Variants in ICMT observed in about 807,000 individuals in gnomAD.
ICMT encodes protein-S-isoprenylcysteine O-methyltransferase.
Under a neutral mutation model 32.2 loss-of-function variants are expected in ICMT, and 10 were observed. The ratio of observed to expected loss-of-function variants is 0.31; its 90% confidence interval spans 0.19 to 0.53. The LOEUF (loss-of-function observed/expected upper bound fraction) is 0.53. ICMT is among the 20% of genes least tolerant of loss of function. The probability of loss-of-function intolerance (pLI) is 0.96; values close to 1 mark genes in which losing one functional copy is unlikely to be tolerated. For synonymous variants in ICMT, 183 were observed against 158.2 expected (o/e 1.16, Z -1.18); for missense variants, 265 against 356.9 (o/e 0.74, Z 2.07).
rs140465003 is a variant in ICMT, at chr1:6,233,744, C to T, written c.285-101G>A. 229 of 876,332 alleles carry T rather than the reference C, an allele frequency of 2.6e-4. No individual in the cohort carries two copies. The East Asian group carries it at 5.9e-3, about 23-fold the overall frequency. 54.3% of individuals were successfully genotyped at this position (876,332 alleles called of 1,614,324 possible). On this transcript the variant is annotated intron_variant, in intron 2 of 4. Transcript: ENST00000343813. ...GAGCTGTCCCTAAGTCTATGAGGCC[C>T]TGTTCTCACCTGTCTGAGAGTGGAC...
At chr1:6,233,301 G>C (rs1022152513) in intron 3 of ICMT, among the ~76,000 whole-genome samples, 173 bp downstream of exon 3, 2 of 152,270 alleles carry the variant, frequency 1.3e-5, no homozygotes, top group African/African-American at 4.8e-5. Flanking sequence ...TCAATATCCA[G>C]AGGCAGAATT....
In ICMT at chr1:6,234,875, G is replaced by A; in HGVS notation, c.284+11C>T. On this transcript the variant is annotated intron_variant, in intron 2 of 4. Coordinates refer to ENST00000343813, the MANE Select transcript of ICMT (RefSeq NM_012405.4). ...TCGCCTGAAAACCAGTATTTCCGAA[G>A]GAATTCTTACCAGCCAAAGTGACTC... 6.2e-7 allele frequency: 1 copy of A among 1,603,422 alleles called. No individual in the cohort carries two copies. Among genetic ancestry groups the A allele is most frequent in the Non-Finnish European group, 8.5e-7 (1 of 1,170,366 alleles).
rs1324594259 is a variant in ICMT at position 6,225,098 on chromosome 1, C to T, written c.837G>A (p.Gly279=). The T allele has an allele frequency of 6.2e-7, 1 of 1,613,330 alleles. No homozygotes were observed. ...RVPTGLPFIK[G]VKVDL is the part of the protein sequence containing the mutation. ...CTGCCCGTCACAGGTCCACCTTGACCCCCTTTATGAAAGGCAGGCCCGTGG... is the reference window on the plus strand; with the variant it reads ...CTGCCCGTCACAGGTCCACCTTGACTCCCTTTATGAAAGGCAGGCCCGTGG... Residue 279 remains glycine, a synonymous_variant, in exon 5 of 5, where the codon GGG becomes GGA. Coordinates refer to ENST00000343813, the MANE Select transcript of ICMT (RefSeq NM_012405.4).
intron 4 of ICMT, among the ~76,000 whole-genome samples, chr1:6,230,750 G>A (rs770820981): frequency 2.8e-4 from 43 of 151,908 alleles, no homozygotes; most frequent in Non-Finnish European, 5.1e-4. Context: ...TTAGCCGGGT[G>A]TGGTGGCGGG....
rs1224533418 is a variant in ICMT at position 6,233,706 on chromosome 1, A to G, written c.285-63T>C. The stretch of plus-strand genomic sequence containing the variant: ...AGAACCAAGTTAACCATAAGTGCAC[A>G]TCTGGGTCTCCTGAGCTGTCCCTAA... On this transcript the variant is annotated intron_variant, in intron 2 of 4. Transcript: ENST00000343813. The G allele has an allele frequency of 2.8e-6, 4 of 1,408,128 alleles. No homozygotes were observed. The East Asian group carries it at 9.2e-5, about 32-fold the overall frequency. 87.2% of individuals were successfully genotyped at this position (1,408,128 alleles called of 1,614,324 possible). A position where few individuals can be genotyped will look rare whatever the true frequency, so the allele number is the denominator to read the frequency against.
At chr1:6,225,902 T>C (rs1475934302) in intron 4 of ICMT, among the ~76,000 whole-genome samples, 1 of 151,636 alleles carries the variant, frequency 6.6e-6, no homozygotes, top group Non-Finnish European at 1.5e-5. Flanking sequence ...CTCTGTCACG[T>C]GGAGTGCAGT....
chr1:6,232,292 G>A (rs1668750063), intron 3 of ICMT, among the ~76,000 whole-genome samples, 173 bp from the exon 4 acceptor site: 1 of 152,198 alleles, frequency 6.6e-6, no homozygotes, highest in Non-Finnish European at 1.5e-5. Flanking sequence ...ATTCCCCTAA[G>A]TTATGCTGTT....
At chr1:6,229,011 C>CGG (rs1389939983) in intron 4 of ICMT, among the ~76,000 whole-genome samples, 2 of 144,414 alleles carry the variant, frequency 1.4e-5, no homozygotes, top group Non-Finnish European at 3.0e-5. Context: ...CCAGCCTGGG[C>CGG]GACAAAGTGA....
chr1:6,225,019 A>C lies in ICMT; in HGVS notation c.*61T>G, dbSNP rs1668622611. ...ATCCATGTGGCAGCGGCCAACCGGA[A>C]ACAGTTTTGTCCCAGGCTGCACAGG... On this transcript the variant is annotated 3_prime_UTR_variant, in exon 5 of 5. Transcript: ENST00000343813. The C allele has an allele frequency of 3.5e-6, 5 of 1,420,082 alleles. No individual in the cohort carries two copies. Among genetic ancestry groups the C allele is most frequent in the African/African-American group, 1.4e-5 (1 of 69,546 alleles). The allele number at this position is 1,420,082 out of a possible 1,614,324, so 88.0% of individuals were successfully genotyped here. A position where few individuals can be genotyped will look rare whatever the true frequency, so the allele number is the denominator to read the frequency against.
chr1:6,233,891 C>T (rs1668774780), intron 2 of ICMT, among the ~76,000 whole-genome samples: 2 of 152,178 alleles, frequency 1.3e-5, no homozygotes, highest in East Asian at 1.9e-4. Flanking sequence ...CTGTGTCGCC[C>T]AGGCTGGAAT....
chr1:6,233,075 C>T (rs1294578416), intron 3 of ICMT, among the ~76,000 whole-genome samples: 1 of 151,850 alleles, frequency 6.6e-6, no homozygotes, highest in Non-Finnish European at 1.5e-5. Context: ...AGGCTGGTCT[C>T]GAACTCCTGA....
At chr1:6,227,685 C>T (rs1668665577) in intron 4 of ICMT, among the ~76,000 whole-genome samples, 1 of 152,144 alleles carries the variant, frequency 6.6e-6, no homozygotes, top group Non-Finnish European at 1.5e-5. Flanking sequence ...GAAACCCCGT[C>T]TCTACTAAAA....
chr1:6,225,097 C>A lies in ICMT; in HGVS notation c.838G>T (p.Val280Phe). Residue 280 changes from valine (V) to phenylalanine (F), a missense_variant, in exon 5 of 5, where the codon GTC becomes TTC. Transcript: ENST00000343813. The part of the protein sequence containing the change: ...VPTGLPFIKG[V>F]KVDL ...ACTGCCCGTCACAGGTCCACCTTGA[C>A]CCCCTTTATGAAAGGCAGGCCCGTG... The A allele has an allele frequency of 6.2e-7, 1 of 1,613,434 alleles. No individual in the cohort carries two copies. The highest frequency in any genetic ancestry group is 8.5e-7 in the Non-Finnish European group (1 of 1,179,556).
rs115992336 is a variant in ICMT at position 6,226,741 on chromosome 1, A to T, written c.673-1479T>A. Reference sequence around the variant, plus strand: ...CTACTATCCCCACTTTGTTTTTTTTAAAATTTTATTATTTTTTAAAGACAG... The same window carrying T: ...CTACTATCCCCACTTTGTTTTTTTTTAAATTTTATTATTTTTTAAAGACAG... On this transcript the variant is annotated intron_variant, in intron 4 of 4. Coordinates refer to ENST00000343813, the MANE Select transcript of ICMT (RefSeq NM_012405.4). Among the ~76,000 whole-genome samples the T allele has an allele frequency of 5.2e-3, 797 of 152,166 alleles. 3 individuals carry two copies. The highest frequency in any genetic ancestry group is 0.016 in the African/African-American group (647 of 41,512).
At chr1:6,235,073 T>TA (rs1297939107) in intron 1 of ICMT, 99 bp from the exon 2 acceptor site, 2 of 899,558 alleles carry the variant, frequency 2.2e-6, no homozygotes, top group East Asian at 2.5e-5. Flanking sequence ...GGCAAGCAGA[T>TA]AGAGCCGATT....
chr1:6,235,445 C>T (rs949797043), intron 1 of ICMT, among the ~76,000 whole-genome samples: 1 of 152,198 alleles, frequency 6.6e-6, no homozygotes, highest in Admixed American at 6.5e-5. Flanking sequence ...TAGGTCTCTG[C>T]ACCTTAAGTT....
chr1:6,234,208 A>G (rs1668780114), intron 2 of ICMT, among the ~76,000 whole-genome samples: 1 of 152,122 alleles, frequency 6.6e-6, no homozygotes, highest in African/African-American at 2.4e-5. Flanking sequence ...GGCAAAACAA[A>G]CCCATAGGTC....
At position 6,235,822 on chromosome 1, in the gene ICMT, C is replaced by A; in HGVS notation, c.90G>T (p.Leu30=). Residue 30 remains leucine, a synonymous_variant, in exon 1 of 5, where the codon CTG becomes CTT. Transcript: ENST00000343813. ...TFLLGASVLA[L]PLLTRAGLQG... is the part of the protein sequence containing the mutation. ...GCAGGCCGGCGCGCGTGAGCAGCGG[C>A]AGCGCGAGCACCGAGGCGCCCAGCA... is the stretch of plus-strand genomic sequence containing the variant. 7.6e-7 allele frequency: 1 copy of A among 1,311,698 alleles called. No individual in the cohort carries two copies. The highest frequency in any genetic ancestry group is 9.8e-7 in the Non-Finnish European group (1 of 1,020,764). The allele number at this position is 1,311,698 out of a possible 1,614,324, so 81.3% of individuals were successfully genotyped here.
At chr1:6,231,194 A>AG (rs1040035193) in intron 4 of ICMT, among the ~76,000 whole-genome samples, 1 of 152,098 alleles carries the variant, frequency 6.6e-6, no homozygotes, top group African/African-American at 2.4e-5. Context: ...AAAGAAAGAA[A>AG]AGAAAAGAAA....
Sources: gnomAD v4.1 joint callset for allele counts (sites outside exome capture counted in the v4.1 genomes callset) on GRCh38, gnomAD v4.1.1 for gene constraint, MANE v1.5 for transcripts, NCBI Gene and HGNC (gene_info 2026-07-23, HGNC 2026-07-21) for gene names.